The following TRPM7 variants were observed in gnomAD, a reference collection of about 807,000 sequenced individuals.
TRPM7 encodes the protein LTRPC ion channel family member 7.
A neutral mutation model predicts 229.7 loss-of-function variants in TRPM7; 134 were observed. The observed-to-expected ratio is 0.58, with a 90% CI of 0.51 to 0.67. The LOEUF is 0.67. Among genes scored for constraint, TRPM7 ranks in the 30% least tolerant of loss-of-function variants. The pLI, the probability that TRPM7 is intolerant of heterozygous loss-of-function variation, is 0.00. For synonymous variants in TRPM7, 699 were observed against 715.2 expected, an observed-to-expected ratio of 0.98 and a Z score of 0.36; for missense variants, 1,901 against 2,210.0, an observed-to-expected ratio of 0.86 and a Z score of 2.80.
chr15:50,610,065 T>C (rs1464678446), intron 17 of TRPM7, 104 bp from the exon 18 acceptor site: 2 of 903,756 alleles, frequency 2.2e-6, no homozygotes, highest in Non-Finnish European at 3.2e-6. Flanking sequence ...TTAAATATCT[T>C]GTGATTAGCC....
intron 2 of TRPM7, among the ~76,000 whole-genome samples, chr15:50,661,917 C>T (rs555791051): frequency 1.3e-5 from 2 of 152,094 alleles, no homozygotes; most frequent in African/African-American, 4.8e-5. Flanking sequence ...ATCTTTAGGC[C>T]TCAGAAAAAA....
chr15:50,639,592 T>C, intron 5 of TRPM7, 44 bp from the exon 6 acceptor site: 1 of 1,579,644 alleles, frequency 6.3e-7, no homozygotes, highest in Non-Finnish European at 8.6e-7. Context: ...TTTTATTTTC[T>C]TAAAGACAGG....
At chr15:50,567,817 G>A (rs956046830) in intron 38 of TRPM7, among the ~76,000 whole-genome samples, 2 of 152,078 alleles carry the variant, frequency 1.3e-5, no homozygotes, top group East Asian at 1.9e-4. Flanking sequence ...GGCCGGGCAC[G>A]GTGGCTCATG....
At chr15:50,672,012 C>CT (rs1567120600) in intron 1 of TRPM7, among the ~76,000 whole-genome samples, 1 of 152,092 alleles carries the variant, frequency 6.6e-6, no homozygotes, top group African/African-American at 2.4e-5. Context: ...CTAGACTACG[C>CT]TTTTTATGGT....
intron 27 of TRPM7, chr15:50,588,295 G>A: frequency 1.1e-6 from 1 of 942,896 alleles, no homozygotes; most frequent in South Asian, 4.9e-5. Flanking sequence ...AAACTTAAAG[G>A]CAAATACAGA....
intron 1 of TRPM7, among the ~76,000 whole-genome samples, chr15:50,679,532 ATATATATTTT>A (rs1304726669): frequency 2.4e-4 from 8 of 33,376 alleles, no homozygotes; most frequent in Non-Finnish European, 3.3e-4. Flanking sequence ...ATATATATAT[ATATATATTTT>A]TTTTTTTTTT....
chr15:50,572,412 C>T (rs577965531), intron 36 of TRPM7, among the ~76,000 whole-genome samples: 3 of 152,186 alleles, frequency 2.0e-5, no homozygotes, highest in Admixed American at 2.0e-4. Flanking sequence ...TTGATGAAGG[C>T]TTAGATAATT....
rs370190327 is a variant in TRPM7 at position 50,583,090 on chromosome 15, G to C, written c.4556C>G (p.Pro1519Arg). ...HEVDSKAALIPDWLQDRPSNR... is the reference protein window; with the variant it reads ...HEVDSKAALIRDWLQDRPSNR... ...TCTGTTTAGTTGAAATCTACAAACC[G>C]GTATTAAAGCTGCTTTGGAATCTAC... Residue 1519 changes from proline (P) to arginine (R), a missense_variant and splice_region_variant, in exon 29 of 39, where the codon CCG becomes CGG. By Grantham distance (103) the Pro-to-Arg change is moderately radical (BLOSUM62 -2). Around this residue, in one of 8 missense-constraint regions of TRPM7, gnomAD observed 533 missense variants for 497.1 expected, o/e 1.07. Coordinates refer to ENST00000646667, the MANE Select transcript of TRPM7 (RefSeq NM_017672.6). 1.9e-6 allele frequency: 3 copies of C among 1,590,896 alleles called. No homozygotes were observed. The highest frequency in any genetic ancestry group is 2.6e-6 in the Non-Finnish European group (3 of 1,169,504).
chr15:50,581,046 A>G, intron 29 of TRPM7, 138 bp from the exon 30 acceptor site: 1 of 673,992 alleles, frequency 1.5e-6, no homozygotes, highest in Non-Finnish European at 2.3e-6. Flanking sequence ...TGTTTCATAA[A>G]ACAATAAATT....
chr15:50,565,846 CG>C lies in TRPM7; in HGVS notation c.5468-4039del, dbSNP rs527995757. On this transcript the variant is annotated intron_variant, in intron 38 of 38. Transcript: ENST00000646667. Reference sequence around the variant, plus strand: ...TCTTTTTGTTTTTTTTTTTTTGAGACGGAGTCTTGCTCTGTCGCCCAGGCCA... The same window carrying C: ...TCTTTTTGTTTTTTTTTTTTTGAGACGAGTCTTGCTCTGTCGCCCAGGCCA... Among the ~76,000 whole-genome samples, 255 of 148,138 alleles carry C rather than the reference CG, an allele frequency of 1.7e-3. 1 individual carries two copies. The highest frequency in any genetic ancestry group is 6.1e-3 in the African/African-American group (246 of 40,188).
chr15:50,670,139 T>A (rs780962085), intron 1 of TRPM7, among the ~76,000 whole-genome samples: 1 of 152,086 alleles, frequency 6.6e-6, no homozygotes, highest in Non-Finnish European at 1.5e-5. Context: ...CCTTAATAGT[T>A]AGGCAGGAAT....
At chr15:50,617,806 GACA>G (rs1055623474) in intron 13 of TRPM7, among the ~76,000 whole-genome samples, 2 of 151,860 alleles carry the variant, frequency 1.3e-5, no homozygotes, top group African/African-American at 4.8e-5. Context: ...ACAGGCACGT[GACA>G]ACATGCCGGG....
Position 50,558,710 on chromosome 15 carries a change from T to C in TRPM7, c.*2968A>G, listed in dbSNP as rs1161613177. On this transcript the variant is annotated 3_prime_UTR_variant, in exon 39 of 39. Coordinates refer to ENST00000646667, the MANE Select transcript of TRPM7 (RefSeq NM_017672.6). ...TTCAACTCAAAAAAACAAAAATAAA[T>C]AAAAATGAAAAATAAAAAAATATAT... is the stretch of plus-strand genomic sequence containing the variant. The C allele has an allele frequency of 1.4e-5, 2 of 145,358 alleles. No individual in the cohort carries two copies. Among genetic ancestry groups the C allele is most frequent in the African/African-American group, 4.9e-5 (2 of 40,986 alleles). The allele number at this position is 145,358 out of a possible 1,614,324, so 9.0% of individuals were successfully genotyped here.
At chr15:50,575,468 T>C (rs900848262) in intron 33 of TRPM7, among the ~76,000 whole-genome samples, 5 of 152,222 alleles carry the variant, frequency 3.3e-5, no homozygotes, top group African/African-American at 1.2e-4. Context: ...TATAAATTAC[T>C]AGATAGTGGA....
chr15:50,675,099 T>C (rs1327919324), intron 1 of TRPM7, among the ~76,000 whole-genome samples: 3 of 152,130 alleles, frequency 2.0e-5, no homozygotes, highest in African/African-American at 4.8e-5. Flanking sequence ...TCCCAACACT[T>C]TGGGAAGCCG....
intron 29 of TRPM7, among the ~76,000 whole-genome samples, chr15:50,582,673 G>A (rs1041516460): frequency 1.3e-5 from 2 of 152,164 alleles, no homozygotes; most frequent in Non-Finnish European, 2.9e-5. Flanking sequence ...TATTTTGAAT[G>A]TAAGTCAATA....
rs139381412 is a variant in TRPM7, at chr15:50,559,497, C to CAAACA, written c.*2176_*2180dup. 10,554 of 149,612 alleles carry CAAACA rather than the reference C, an allele frequency of 0.071. 436 individuals are homozygous for CAAACA. Among genetic ancestry groups the CAAACA allele is most frequent in the African/African-American group, 0.11 (4,585 of 40,390 alleles). 9.3% of individuals were successfully genotyped at this position (149,612 alleles called of 1,614,324 possible). A position where few individuals can be genotyped will look rare whatever the true frequency, so the allele number is the denominator to read the frequency against. On this transcript the variant is annotated 3_prime_UTR_variant, in exon 39 of 39. Transcript: ENST00000646667. ...CATGAGCCACCATGCCCCACCAAGA[C>CAAACA]AAACAAAACAAAACAAAACAAAACA...
At chr15:50,647,805 T>C (rs1391542301) in intron 4 of TRPM7, among the ~76,000 whole-genome samples, 1 of 152,328 alleles carries the variant, frequency 6.6e-6, no homozygotes, top group East Asian at 1.9e-4. Context: ...TCCACGTTTA[T>C]GGTTTCAACC....
intron 1 of TRPM7, among the ~76,000 whole-genome samples, chr15:50,673,379 A>G (rs1408820818): frequency 6.6e-6 from 1 of 152,130 alleles, no homozygotes; most frequent in Non-Finnish European, 1.5e-5. Context: ...CCCGACCGGT[A>G]CACACTGCAC....
Sources: allele counts gnomAD v4.1 joint callset (sites outside exome capture counted in the v4.1 genomes callset), GRCh38; gene constraint gnomAD v4.1.1; regional missense constraint gnomAD v4.1.1; transcripts MANE v1.5; gene names NCBI Gene and HGNC (gene_info 2026-07-23, HGNC 2026-07-21).